COL4A5: variants seen among roughly 807,000 people sequenced by gnomAD.
COL4A5 encodes the protein collagen type IV alpha 5 chain, also known as collagen alpha-5(IV) chain.
A neutral mutation model predicts 130.2 loss-of-function variants in COL4A5; 26 were observed. The observed-to-expected ratio is 0.20, with a 90% CI of 0.15 to 0.28. COL4A5 has a LOEUF of 0.28. COL4A5 is among the 10% of genes least tolerant of loss of function. COL4A5 has a pLI of 1.00. For missense variants in COL4A5, 1,131 were observed against 1,344.3 expected (o/e 0.84, Z 2.48); for synonymous variants, 496 against 439.6 (o/e 1.13, Z -1.60).
chrX:108,531,336 G>A (rs1441160148), intron 1 of COL4A5, among the ~76,000 whole-genome samples: 2 of 99,672 alleles, frequency 2.0e-5, no homozygotes, highest in Non-Finnish European at 4.0e-5. Flanking sequence ...TTGTGCACAT[G>A]TACCCTAAAA....
intron 1 of COL4A5, among the ~76,000 whole-genome samples, chrX:108,504,414 A>G (rs1175531488): frequency 8.9e-6 from 1 of 112,161 alleles, no homozygotes; most frequent in African/African-American, 3.2e-5. Flanking sequence ...AAGCTTCTGC[A>G]TAGGAAAAAA....
intron 1 of COL4A5, among the ~76,000 whole-genome samples, chrX:108,451,591 G>A (rs1603245044): frequency 9.1e-6 from 1 of 110,064 alleles, no homozygotes; most frequent in Middle Eastern, 4.7e-3. Context: ...TTCTCTGATG[G>A]CCAGTGATGA....
intron 22 of COL4A5, among the ~76,000 whole-genome samples, 191 bp from the exon 23 acceptor site, chrX:108,596,807 A>G (rs938795439): frequency 8.9e-6 from 1 of 112,175 alleles, no homozygotes; most frequent in Non-Finnish European, 1.9e-5. Context: ...ATTTTTTAAA[A>G]AGGATGATTA....
rs2068659889 is a variant in COL4A5, at chrX:108,692,897, G to A, written c.4678G>A (p.Gly1560Ser). 3 of 1,211,271 alleles carry A rather than the reference G, an allele frequency of 2.5e-6. No individual in the cohort carries two copies. Among genetic ancestry groups the A allele is most frequent in the African/African-American group, 3.5e-5 (2 of 57,690 alleles). The change falls in exon 50 of 53, where the codon GGC becomes AGC. Residue 1560 changes from glycine (G) to serine (S), a missense_variant. Coordinates refer to ENST00000328300, the MANE Select transcript of COL4A5 (RefSeq NM_033380.3). ...PMPMSMQPLK[G>S]QSIQPFISRC... ...GCCAATGAGCATGCAACCCCTAAAG[G>A]GCCAGAGCATCCAGCCATTCATTAG...
At chrX:108,532,282 A>G (rs2065395451) in intron 1 of COL4A5, among the ~76,000 whole-genome samples, 1 of 112,060 alleles carries the variant, frequency 8.9e-6, no homozygotes, top group African/African-American at 3.2e-5. Flanking sequence ...AACCTTTGCA[A>G]ATCAATAAAT....
chrX:108,645,228 C>A (rs186050990), intron 36 of COL4A5, among the ~76,000 whole-genome samples: 22 of 110,276 alleles, frequency 2.0e-4, no homozygotes. Flanking sequence ...AAGATCAGGG[C>A]AGAACTAAAT....
At chrX:108,473,877 C>A (rs1321039249) in intron 1 of COL4A5, among the ~76,000 whole-genome samples, 1 of 107,535 alleles carries the variant, frequency 9.3e-6, no homozygotes. Context: ...AGTGATCTGC[C>A]TGCCTCTGCC....
chrX:108,549,974 G>T (rs755710535), intron 2 of COL4A5, among the ~76,000 whole-genome samples: 1 of 111,284 alleles, frequency 9.0e-6, no homozygotes, highest in Admixed American at 9.6e-5. Context: ...AAATAAATGC[G>T]TGAGTGAAAG....
intron 1 of COL4A5, among the ~76,000 whole-genome samples, chrX:108,512,655 G>A (rs959153958): frequency 6.3e-5 from 7 of 111,268 alleles, no homozygotes; most frequent in African/African-American, 2.3e-4. Flanking sequence ...TTTCAAAAGG[G>A]GAGGGAGTGT....
intron 36 of COL4A5, among the ~76,000 whole-genome samples, chrX:108,640,658 A>G (rs867101073): frequency 6.3e-5 from 7 of 111,533 alleles, no homozygotes; most frequent in Admixed American, 2.9e-4. Context: ...TTCTGGAGAT[A>G]TATGGTGGTG....
chrX:108,645,645 A>G (rs941714823), intron 36 of COL4A5, among the ~76,000 whole-genome samples: 8 of 108,304 alleles, frequency 7.4e-5, no homozygotes, highest in African/African-American at 2.7e-4. Context: ...TTTGTTACAT[A>G]TGTATACATG....
chrX:108,690,549 T>A (rs180878581), intron 49 of COL4A5, among the ~76,000 whole-genome samples: 2 of 111,874 alleles, frequency 1.8e-5, no homozygotes, highest in East Asian at 5.6e-4. Flanking sequence ...CATTATTTTT[T>A]AAAAATCAAA....
chrX:108,649,540 G>A (rs761863057), intron 36 of COL4A5, among the ~76,000 whole-genome samples: 1 of 111,991 alleles, frequency 8.9e-6, no homozygotes, highest in Non-Finnish European at 1.9e-5. Context: ...AAACAGCATG[G>A]TACTGGTATA....
intron 1 of COL4A5, among the ~76,000 whole-genome samples, chrX:108,476,842 A>G (rs776627657): frequency 8.9e-6 from 1 of 111,875 alleles, no homozygotes; most frequent in Non-Finnish European, 1.9e-5. Context: ...TGATGGACAC[A>G]TGGTTGCTTC....
intron 49 of COL4A5, 149 bp downstream of exon 49, chrX:108,687,843 A>G (rs2068578555): frequency 4.1e-6 from 2 of 488,639 alleles, no homozygotes; most frequent in Non-Finnish European, 7.0e-6. Context: ...AACTGAATAT[A>G]TTCACTATGA....
Position 108,687,534 on chromosome X carries a change from A to T in COL4A5, c.4368A>T (p.Pro1456=). ...GTCCAGATGGATTGCAAGGTCCCCC[A>T]GGTCCCCCTGGAACCTCCTCTGTTG... ...PPGPDGLQGP[P]GPPGTSSVAH... is the part of the protein sequence containing the mutation. The change falls in exon 49 of 53, where the codon CCA becomes CCT. Residue 1456 remains proline, a synonymous_variant. Coordinates refer to ENST00000328300, the MANE Select transcript of COL4A5 (RefSeq NM_033380.3). The T allele has an allele frequency of 8.3e-7, 1 of 1,211,688 alleles. No homozygotes were observed. The highest frequency in any genetic ancestry group is 1.1e-6 in the Non-Finnish European group (1 of 895,447).
intron 49 of COL4A5, among the ~76,000 whole-genome samples, chrX:108,692,028 T>C (rs183229251): frequency 2.0e-4 from 22 of 111,644 alleles, no homozygotes; most frequent in African/African-American, 6.8e-4. Flanking sequence ...AAACTTACGA[T>C]GAAATTTAGA....
At chrX:108,507,386 C>T (rs778169547) in intron 1 of COL4A5, among the ~76,000 whole-genome samples, 7 of 112,024 alleles carry the variant, frequency 6.2e-5, no homozygotes, top group Non-Finnish European at 9.4e-5. Flanking sequence ...ATCAAGTAGG[C>T]TTCATCCCTG....
In COL4A5 at chrX:108,591,348, A is replaced by G. The variant is rs1172349370; in HGVS notation, c.1339+117A>G. 9.2e-6 allele frequency: 7 copies of G among 757,297 alleles called. No homozygotes were observed. The Admixed American group carries it at 1.2e-4, about 13-fold the overall frequency. 62.4% of individuals were successfully genotyped at this position (757,297 alleles called of 1,213,427 possible). On this transcript the variant is annotated intron_variant, in intron 20 of 52. Coordinates refer to ENST00000328300, the MANE Select transcript of COL4A5 (RefSeq NM_033380.3). ...GCGTTTCTGATATCTAAGAAATTCT[A>G]CCACTGCTTCTGCTTTTTGGGTTTT... is the stretch of plus-strand genomic sequence containing the variant.
Sources: allele counts gnomAD v4.1 joint callset (sites outside exome capture counted in the v4.1 genomes callset), GRCh38; gene constraint gnomAD v4.1.1; transcripts MANE v1.5; gene names NCBI Gene and HGNC (gene_info 2026-07-23, HGNC 2026-07-21).